Variants in PTBP3 observed in about 807,000 individuals in gnomAD.
The protein encoded by PTBP3 is polypyrimidine tract-binding protein 3.
In PTBP3, 20 loss-of-function variants were observed where a neutral mutation model predicts 58.7. The observed-to-expected ratio is 0.34, with a 90% CI of 0.24 to 0.50. The LOEUF (loss-of-function observed/expected upper bound fraction) is 0.50. Ranked by LOEUF, PTBP3 falls within the 20% of genes least tolerant of loss-of-function variation. The pLI is 0.98. For missense variants in PTBP3, 509 were observed against 637.2 expected, an observed-to-expected ratio of 0.80 and a Z score of 2.17; for synonymous variants, 185 against 219.8, an observed-to-expected ratio of 0.84 and a Z score of 1.40.
At chr9:112,367,173 C>G in the PTBP3 span, among the ~76,000 whole-genome samples, 1 of 152,210 alleles carries the variant, frequency 6.6e-6, no homozygotes, top group East Asian at 1.9e-4. Context: ...TGTATGTTGT[C>G]TATCCATGAC....
chr9:112,322,819 G>A (rs1443373886), intron 1 of PTBP3, among the ~76,000 whole-genome samples: 1 of 152,234 alleles, frequency 6.6e-6, no homozygotes, highest in Non-Finnish European at 1.5e-5. Context: ...TGTGTAATAA[G>A]ATGGTGAGTT....
chr9:112,346,021 A>G, the PTBP3 span, among the ~76,000 whole-genome samples: 1 of 151,448 alleles, frequency 6.6e-6, no homozygotes, highest in South Asian at 2.1e-4. Flanking sequence ...ATGCCCAGCT[A>G]ATTTTTGAGA....
At chr9:112,236,480 C>T (rs1281007539) in intron 7 of PTBP3, among the ~76,000 whole-genome samples, 1 of 152,046 alleles carries the variant, frequency 6.6e-6, no homozygotes, top group Non-Finnish European at 1.5e-5. Flanking sequence ...ATTAAAGGCA[C>T]AAAGGAAGAC....
intron 4 of PTBP3, among the ~76,000 whole-genome samples, chr9:112,266,390 T>G (rs921029707): frequency 6.6e-6 from 1 of 152,206 alleles, no homozygotes; most frequent in African/African-American, 2.4e-5. Context: ...GCTCATCCAT[T>G]ATATTGGTGG....
intron 5 of PTBP3, among the ~76,000 whole-genome samples, chr9:112,261,046 G>A (rs1297063925): frequency 3.3e-5 from 5 of 152,166 alleles, no homozygotes; most frequent in Non-Finnish European, 5.9e-5. Context: ...AAAAGCAATA[G>A]CTACAATGTT....
At chr9:112,295,697 G>C (rs762308402) in intron 2 of PTBP3, among the ~76,000 whole-genome samples, 9 of 150,976 alleles carry the variant, frequency 6.0e-5, no homozygotes, top group Non-Finnish European at 1.3e-4. Flanking sequence ...AAAACTATGT[G>C]ATTTATATGG....
intron 1 of PTBP3, among the ~76,000 whole-genome samples, chr9:112,326,628 GAAAACCCAGAAAAAGTCT>G (rs1830167048): frequency 6.6e-6 from 1 of 152,120 alleles, no homozygotes; most frequent in Admixed American, 6.5e-5. Context: ...CTTAAAATAG[GAAAACCCAGAAAAAGTCT>G]AAAACATATT....
chr9:112,333,521 C>A lies in PTBP3; in HGVS notation c.-103G>T. The A allele has an allele frequency of 6.3e-7, 1 of 1,580,782 alleles. No individual in the cohort carries two copies. Among genetic ancestry groups the A allele is most frequent in the Non-Finnish European group, 8.6e-7 (1 of 1,163,102 alleles). Reference sequence around the variant, plus strand: ...CACAGAGCAGGGACTGACGGGCTAACCGCGAGCAGAGGAAGCAGGCGGCGG... The same window carrying A: ...CACAGAGCAGGGACTGACGGGCTAAACGCGAGCAGAGGAAGCAGGCGGCGG... On this transcript the variant is annotated 5_prime_UTR_variant, in exon 1 of 14. Transcript: ENST00000374257.
intron 1 of PTBP3, among the ~76,000 whole-genome samples, chr9:112,319,216 T>C (rs1216046195): frequency 1.5e-5 from 2 of 137,270 alleles, no homozygotes; most frequent in Non-Finnish European, 3.2e-5. Context: ...GAAGGGTACA[T>C]CAAAAATTAC....
intron 2 of PTBP3, among the ~76,000 whole-genome samples, chr9:112,286,646 T>C (rs1306202697): frequency 2.6e-5 from 4 of 152,186 alleles, no homozygotes; most frequent in African/African-American, 9.6e-5. Flanking sequence ...CCGCCAAAAA[T>C]GTATTATCTT....
At chr9:112,340,830 C>A in the PTBP3 span, among the ~76,000 whole-genome samples, 1 of 151,324 alleles carries the variant, frequency 6.6e-6, no homozygotes, top group Non-Finnish European at 1.5e-5. Flanking sequence ...GAGCCGAGAT[C>A]GCGCCATTGC....
chr9:112,257,930 G>T (rs1836439735), intron 5 of PTBP3, among the ~76,000 whole-genome samples: 2 of 108,484 alleles, frequency 1.8e-5, no homozygotes, highest in Non-Finnish European at 1.7e-5. Context: ...ATAAGAGTGA[G>T]ACTCCATCTC....
chr9:112,302,582 CTT>C (rs369208342), intron 1 of PTBP3, among the ~76,000 whole-genome samples: 104 of 110,492 alleles, frequency 9.4e-4, no homozygotes, highest in African/African-American at 2.7e-3. Context: ...TATTCTTCAT[CTT>C]TTTTTTTTTT....
intron 2 of PTBP3, among the ~76,000 whole-genome samples, chr9:112,279,005 TAA>T: frequency 6.6e-6 from 1 of 152,294 alleles, no homozygotes; most frequent in South Asian, 2.1e-4. Context: ...TTGCCATAAT[TAA>T]GAATTTGCCC....
the PTBP3 span, among the ~76,000 whole-genome samples, chr9:112,347,654 T>A: frequency 6.6e-6 from 1 of 152,182 alleles, no homozygotes; most frequent in Non-Finnish European, 1.5e-5. Flanking sequence ...ATAATGTTAA[T>A]AATCAAGCAC....
chr9:112,366,048 G>A, the PTBP3 span, among the ~76,000 whole-genome samples: 400 of 152,230 alleles, frequency 2.6e-3, 5 homozygotes, highest in Middle Eastern at 0.014. Flanking sequence ...ACTTTGGGAG[G>A]CCAAGGTGGG....
At chr9:112,228,326 A>G in intron 11 of PTBP3, 54 bp downstream of exon 11, 1 of 1,320,000 alleles carries the variant, frequency 7.6e-7, no homozygotes, top group Non-Finnish European at 1.0e-6. Context: ...AGGAAAATTC[A>G]CACACAAAAG....
At chr9:112,285,350 T>A (rs535432841) in intron 2 of PTBP3, among the ~76,000 whole-genome samples, 43 of 152,352 alleles carry the variant, frequency 2.8e-4, no homozygotes, top group African/African-American at 9.6e-4. Flanking sequence ...CCACATGAAC[T>A]GTGACACAAT....
chr9:112,232,796 T>C (rs1257646855), intron 8 of PTBP3, among the ~76,000 whole-genome samples: 1 of 152,182 alleles, frequency 6.6e-6, no homozygotes, highest in Non-Finnish European at 1.5e-5. Flanking sequence ...AGCAGAAATG[T>C]TCTGAGCTCT....
Sources: gnomAD v4.1 joint callset for allele counts (sites outside exome capture counted in the v4.1 genomes callset) on GRCh38, gnomAD v4.1.1 for gene constraint, MANE v1.5 for transcripts, NCBI Gene and HGNC (gene_info 2026-07-23, HGNC 2026-07-21) for gene names.